ELMO1: variants seen among roughly 807,000 people sequenced by gnomAD.
ELMO1 encodes engulfment and cell motility protein 1.
A neutral mutation model predicts 98.9 loss-of-function variants in ELMO1; 26 were observed. The ratio of observed to expected loss-of-function variants is 0.26; its 90% CI spans 0.19 to 0.36. The LOEUF is 0.36. ELMO1 is among the 10% of genes least tolerant of loss of function. ELMO1 has a pLI of 1.00. For synonymous variants in ELMO1, 346 were observed against 346.0 expected, an observed-to-expected ratio of 1.00 and a Z score of 0.00; for missense variants, 627 against 935.2, an observed-to-expected ratio of 0.67 and a Z score of 4.30.
chr7:37,081,783 A>G (rs1797878740), intron 15 of ELMO1, among the ~76,000 whole-genome samples: 1 of 152,184 alleles, frequency 6.6e-6, no homozygotes, highest in South Asian at 2.1e-4. Context: ...AAAATGGACT[A>G]ATACGATGTG....
intron 16 of ELMO1, among the ~76,000 whole-genome samples, chr7:36,962,550 C>T (rs1402907022): frequency 6.6e-6 from 1 of 151,496 alleles, no homozygotes; most frequent in Non-Finnish European, 1.5e-5. Context: ...GGGCATTTTT[C>T]AGGAGGAAGA....
At chr7:37,175,598 C>A (rs146548466) in intron 13 of ELMO1, among the ~76,000 whole-genome samples, 2 of 152,188 alleles carry the variant, frequency 1.3e-5, no homozygotes, top group Admixed American at 6.5e-5. Flanking sequence ...GTAATCCTAG[C>A]ACTTTGGGAG....
At chr7:37,023,247 C>T (rs1398068848) in intron 15 of ELMO1, among the ~76,000 whole-genome samples, 1 of 152,124 alleles carries the variant, frequency 6.6e-6, no homozygotes, top group Non-Finnish European at 1.5e-5. Flanking sequence ...GATTTGAACA[C>T]CTCTATGTAA....
chr7:37,242,453 A>T (rs1235339059), intron 7 of ELMO1, among the ~76,000 whole-genome samples: 1 of 152,156 alleles, frequency 6.6e-6, no homozygotes, highest in African/African-American at 2.4e-5. Flanking sequence ...AGTTTTTACT[A>T]CCTACATTTT....
chr7:37,349,597 G>A (rs560107046), intron 1 of ELMO1, among the ~76,000 whole-genome samples: 257 of 152,310 alleles, frequency 1.7e-3, no homozygotes, highest in Non-Finnish European at 2.7e-3. Flanking sequence ...GGGATTACAA[G>A]CAGGCACCAC....
chr7:36,992,656 C>T (rs888039211), intron 16 of ELMO1, among the ~76,000 whole-genome samples: 2 of 152,184 alleles, frequency 1.3e-5, no homozygotes, highest in Non-Finnish European at 2.9e-5. Context: ...AAAAGGAAAG[C>T]TTCATCACAT....
intron 15 of ELMO1, 97 bp downstream of exon 15, chr7:37,096,522 G>T (rs1317883122): frequency 1.0e-6 from 1 of 990,158 alleles, no homozygotes; most frequent in Non-Finnish European, 1.6e-6. Flanking sequence ...GTAAGAAGCT[G>T]TCGGCATCTT....
chr7:37,168,374 G>T (rs537841846), intron 13 of ELMO1, among the ~76,000 whole-genome samples: 2 of 152,328 alleles, frequency 1.3e-5, no homozygotes, highest in East Asian at 1.9e-4. Flanking sequence ...TTCCATTGCT[G>T]GTGAGGAACT....
chr7:37,178,434 CAAAAAAAAAA>C (rs10572924), intron 13 of ELMO1, among the ~76,000 whole-genome samples: 2 of 140,256 alleles, frequency 1.4e-5, no homozygotes, highest in Admixed American at 7.1e-5. Flanking sequence ...CCCATCTCTT[CAAAAAAAAAA>C]AAAAAGAAAA....
At chr7:36,875,322 C>A (rs1044239664) in intron 19 of ELMO1, among the ~76,000 whole-genome samples, 1 of 152,028 alleles carries the variant, frequency 6.6e-6, no homozygotes, top group Non-Finnish European at 1.5e-5. Flanking sequence ...CATGAGTATA[C>A]CCATTTCTCT....
intron 14 of ELMO1, among the ~76,000 whole-genome samples, chr7:37,107,526 A>G (rs1161153142): frequency 2.0e-5 from 3 of 152,230 alleles, no homozygotes; most frequent in Admixed American, 2.0e-4. Flanking sequence ...TTAAGCAACA[A>G]ATCTCAAGAT....
chr7:36,953,400 CAT>C (rs1788157359), intron 16 of ELMO1, among the ~76,000 whole-genome samples: 2 of 152,104 alleles, frequency 1.3e-5, no homozygotes, highest in African/African-American at 4.8e-5. Flanking sequence ...ACCTGTCAGA[CAT>C]ATGTGTTTAT....
intron 16 of ELMO1, among the ~76,000 whole-genome samples, chr7:36,961,869 T>C (rs1439401444): frequency 6.6e-6 from 1 of 152,206 alleles, no homozygotes; most frequent in Admixed American, 6.5e-5. Context: ...ATGTAAATAG[T>C]ATTGTCCCAG....
In ELMO1 at chr7:37,139,909, G is replaced by A. The variant is rs532491772; in HGVS notation, c.1087-6675C>T. Among the ~76,000 whole-genome samples the A allele has an allele frequency of 1.4e-4, 22 of 152,156 alleles. No individual in the cohort carries two copies. The East Asian group carries it at 4.2e-3, about 29-fold the overall frequency. On this transcript the variant is annotated intron_variant, in intron 13 of 21. Transcript: ENST00000310758. ...ATAGAATAGAGAACCCAGAAATAGA[G>A]CCAAATACTTACAGCCAACTGATCT...
chr7:37,067,005 G>A (rs991684502), intron 15 of ELMO1, among the ~76,000 whole-genome samples: 5 of 152,136 alleles, frequency 3.3e-5, no homozygotes, highest in Non-Finnish European at 5.9e-5. Flanking sequence ...AAGGACTTAG[G>A]AGTAAATTCT....
At chr7:36,857,396 T>C (rs895711654) in intron 21 of ELMO1, among the ~76,000 whole-genome samples, 13 of 152,156 alleles carry the variant, frequency 8.5e-5, no homozygotes, top group African/African-American at 3.1e-4. Flanking sequence ...AACACGCAGG[T>C]ACGGGTGCCA....
At chr7:37,179,954 T>C (rs1458513634) in intron 13 of ELMO1, among the ~76,000 whole-genome samples, 1 of 152,176 alleles carries the variant, frequency 6.6e-6, no homozygotes, top group African/African-American at 2.4e-5. Context: ...GAAGACTGAC[T>C]TAATTATCTT....
chr7:36,909,695 C>T (rs1784213340), intron 16 of ELMO1, among the ~76,000 whole-genome samples: 1 of 152,126 alleles, frequency 6.6e-6, no homozygotes, highest in South Asian at 2.1e-4. Flanking sequence ...GGTTTATTTG[C>T]CTAAGTTTTG....
intron 1 of ELMO1, among the ~76,000 whole-genome samples, chr7:37,428,710 T>C (rs576115698): frequency 2.0e-5 from 3 of 152,338 alleles, no homozygotes; most frequent in Middle Eastern, 3.4e-3. Flanking sequence ...GCTCAGAAGA[T>C]CAGCTTTTTA....
Sources: gnomAD v4.1 joint callset for allele counts (sites outside exome capture counted in the v4.1 genomes callset) on GRCh38, gnomAD v4.1.1 for gene constraint, MANE v1.5 for transcripts, NCBI Gene and HGNC (gene_info 2026-07-23, HGNC 2026-07-21) for gene names.